The following KCNQ5 variants were observed in gnomAD, a reference collection of about 807,000 sequenced individuals.
KCNQ5 encodes the protein potassium voltage-gated channel subfamily KQT member 5.
Under a neutral mutation model 98.2 loss-of-function variants are expected in KCNQ5, and 30 were observed. The ratio of observed to expected loss-of-function variants is 0.31; its 90% confidence interval spans 0.23 to 0.41. KCNQ5 has a LOEUF of 0.41. KCNQ5 is among the 10% of genes least tolerant of loss of function. KCNQ5 has a pLI of 1.00. For missense variants in KCNQ5, 835 were observed against 1,182.5 expected, an observed-to-expected ratio of 0.71 and a Z score of 4.31; for synonymous variants, 458 against 449.4, an observed-to-expected ratio of 1.02 and a Z score of -0.24.
rs533617693 is a variant in KCNQ5, at chr6:72,666,213, A to C, written c.398+43626A>C. On this transcript the variant is annotated intron_variant, in intron 1 of 13. Transcript: ENST00000370398. ...TATCATTCATTTTTCAGAGGTAAAT[A>C]ATGATAAATAAAGAGAGATATACAT... Among the ~76,000 whole-genome samples the C allele has an allele frequency of 2.3e-3, 246 of 108,356 alleles. 1 individual carries two copies. The highest frequency in any genetic ancestry group is 5.8e-3 in the African/African-American group (230 of 39,842). The allele number at this position is 108,356 out of a possible 152,430, so 71.1% of individuals were successfully genotyped here.
chr6:73,071,386 A>T (rs926307824), intron 3 of KCNQ5, among the ~76,000 whole-genome samples: 1 of 152,200 alleles, frequency 6.6e-6, no homozygotes, highest in Non-Finnish European at 1.5e-5. Flanking sequence ...AATGTACAGG[A>T]CTATTCGTTT....
chr6:72,713,132 A>G (rs957122349), intron 1 of KCNQ5, among the ~76,000 whole-genome samples: 9 of 152,154 alleles, frequency 5.9e-5, no homozygotes, highest in African/African-American at 1.4e-4. Context: ...CAGAGATGCA[A>G]TTCCTAATAT....
chr6:72,969,663 A>C (rs1262059667), intron 1 of KCNQ5, among the ~76,000 whole-genome samples: 1 of 152,168 alleles, frequency 6.6e-6, no homozygotes, highest in African/African-American at 2.4e-5. Flanking sequence ...CTATATGTTA[A>C]TCCATTTCTT....
intron 5 of KCNQ5, among the ~76,000 whole-genome samples, chr6:73,088,002 T>G (rs1171873517): frequency 6.9e-6 from 1 of 145,818 alleles, no homozygotes; most frequent in Non-Finnish European, 1.5e-5. Context: ...TTGTCCTTGT[T>G]TTCTTTTTCT....
chr6:73,052,390 C>T (rs959682954), intron 3 of KCNQ5, among the ~76,000 whole-genome samples: 3 of 152,142 alleles, frequency 2.0e-5, no homozygotes, highest in African/African-American at 7.2e-5. Context: ...ATGCAGAGAA[C>T]CCTTGTGAGA....
intron 3 of KCNQ5, among the ~76,000 whole-genome samples, chr6:73,051,943 T>C (rs1772263058): frequency 6.6e-6 from 1 of 152,144 alleles, no homozygotes; most frequent in East Asian, 1.9e-4. Context: ...CAGAGATCAC[T>C]GAGATTCAGG....
Position 72,650,646 on chromosome 6 carries a change from G to A in KCNQ5, c.398+28059G>A, listed in dbSNP as rs1040971055. Among the ~76,000 whole-genome samples the A allele has an allele frequency of 3.3e-5, 5 of 152,100 alleles. No homozygotes were observed. In the South Asian group the frequency reaches 1.0e-3, roughly 32 times the overall value. On this transcript the variant is annotated intron_variant, in intron 1 of 13. Transcript: ENST00000370398. The stretch of plus-strand genomic sequence containing the variant: ...GAAAAGAATAGTTCTTAGTAGTGGG[G>A]GAGTGGGTAGGATATATGTATATGG...
intron 2 of KCNQ5, among the ~76,000 whole-genome samples, chr6:73,024,849 T>G (rs1393319320): frequency 6.6e-6 from 1 of 152,230 alleles, no homozygotes; most frequent in Non-Finnish European, 1.5e-5. Flanking sequence ...GTTCAGTGCA[T>G]TCTGCATGAC....
At chr6:72,803,353 AACT>A (rs1472012527) in intron 1 of KCNQ5, among the ~76,000 whole-genome samples, 1 of 152,184 alleles carries the variant, frequency 6.6e-6, no homozygotes, top group African/African-American at 2.4e-5. Context: ...CCTCATTGCT[AACT>A]ACTAAGAGCC....
intron 1 of KCNQ5, among the ~76,000 whole-genome samples, chr6:72,850,292 G>A (rs558069330): frequency 6.6e-5 from 10 of 152,220 alleles, no homozygotes; most frequent in Middle Eastern, 3.4e-3. Flanking sequence ...ATCTAAAGTA[G>A]TTTACTTATC....
At position 73,195,606 on chromosome 6, in the gene KCNQ5, G is replaced by T; in HGVS notation, c.*192G>T. ...GATGGCTAAAATTCCAAGGTGCATCGACATTAACCCACTCATTTAGTAATG... is the reference window on the plus strand; with the variant it reads ...GATGGCTAAAATTCCAAGGTGCATCTACATTAACCCACTCATTTAGTAATG... On this transcript the variant is annotated 3_prime_UTR_variant, in exon 14 of 14. Coordinates refer to ENST00000370398, the MANE Select transcript of KCNQ5 (RefSeq NM_019842.4). 2 of 665,924 alleles carry T rather than the reference G, an allele frequency of 3.0e-6. No homozygotes were observed. The highest frequency in any genetic ancestry group is 5.0e-6 in the Non-Finnish European group (2 of 403,918). The allele number at this position is 665,924 out of a possible 1,614,324, so 41.3% of individuals were successfully genotyped here.
chr6:72,969,054 T>C (rs1005714216), intron 1 of KCNQ5, among the ~76,000 whole-genome samples: 1 of 152,214 alleles, frequency 6.6e-6, no homozygotes, highest in African/African-American at 2.4e-5. Context: ...AAGAACTGTT[T>C]GGTTGCTCCT....
rs73756012 is a variant in KCNQ5, at chr6:72,691,140, A to G, written c.398+68553A>G. Among the ~76,000 whole-genome samples the G allele has an allele frequency of 6.1e-3, 922 of 152,346 alleles. 9 individuals carry two copies. The highest frequency in any genetic ancestry group is 0.021 in the African/African-American group (878 of 41,566). On this transcript the variant is annotated intron_variant, in intron 1 of 13. Coordinates refer to ENST00000370398, the MANE Select transcript of KCNQ5 (RefSeq NM_019842.4). Reference sequence around the variant, plus strand: ...ATAGTTTCAGAGTATTTGGCATAATATATTTGAAAAGAATATTCCCTTCAC... The same window carrying G: ...ATAGTTTCAGAGTATTTGGCATAATGTATTTGAAAAGAATATTCCCTTCAC...
At chr6:72,846,319 G>T (rs542692996) in intron 1 of KCNQ5, among the ~76,000 whole-genome samples, 2 of 152,244 alleles carry the variant, frequency 1.3e-5, no homozygotes, top group African/African-American at 4.8e-5. Flanking sequence ...ACTGATTTTA[G>T]AATCAATTAA....
At chr6:72,974,692 C>T (rs912790201) in intron 1 of KCNQ5, among the ~76,000 whole-genome samples, 3 of 151,834 alleles carry the variant, frequency 2.0e-5, no homozygotes, top group Non-Finnish European at 2.9e-5. Flanking sequence ...GGACAGGTGC[C>T]CATGAAAACT....
chr6:72,978,353 A>T (rs564626334), intron 1 of KCNQ5, among the ~76,000 whole-genome samples: 1 of 152,358 alleles, frequency 6.6e-6, no homozygotes, highest in Non-Finnish European at 1.5e-5. Context: ...ATTCAGCAAG[A>T]TCATTCCCAG....
At chr6:72,944,274 G>C (rs1766437310) in intron 1 of KCNQ5, among the ~76,000 whole-genome samples, 1 of 151,952 alleles carries the variant, frequency 6.6e-6, no homozygotes, top group African/African-American at 2.4e-5. Context: ...GCCACATTTT[G>C]TGAGATTTGG....
At chr6:72,790,458 T>A (rs1333080633) in intron 1 of KCNQ5, among the ~76,000 whole-genome samples, 1 of 152,176 alleles carries the variant, frequency 6.6e-6, no homozygotes, top group East Asian at 1.9e-4. Flanking sequence ...AAAACAATTG[T>A]ACTCATGGAG....
intron 1 of KCNQ5, among the ~76,000 whole-genome samples, chr6:72,634,308 G>T (rs190519154): frequency 7.2e-5 from 11 of 152,214 alleles, no homozygotes; most frequent in African/African-American, 2.4e-4. Flanking sequence ...ACCAGCTTAA[G>T]TTCTAATTTT....
Sources: allele counts gnomAD v4.1 joint callset (sites outside exome capture counted in the v4.1 genomes callset), GRCh38; gene constraint gnomAD v4.1.1; transcripts MANE v1.5; gene names NCBI Gene and HGNC (gene_info 2026-07-23, HGNC 2026-07-21).